CCNH: variants seen among roughly 807,000 people sequenced by gnomAD.
CCNH encodes the protein cyclin-H.
Under a neutral mutation model 41.9 loss-of-function variants are expected in CCNH, and 31 were observed. That is an observed-to-expected ratio of 0.74 (90% CI 0.56 to 1.00). CCNH has a LOEUF of 1.00. CCNH is among the 50% of genes least tolerant of loss of function. CCNH has a pLI of 0.00. For synonymous variants in CCNH, 138 were observed against 136.1 expected (o/e 1.01, Z -0.10); for missense variants, 362 against 388.4 (o/e 0.93, Z 0.57).
intron 9 of CCNH, among the ~76,000 whole-genome samples, chr5:87,357,938 G>A (rs1225822029): frequency 6.6e-6 from 1 of 152,168 alleles, no homozygotes; most frequent in Non-Finnish European, 1.5e-5. Context: ...AAACTATTAA[G>A]TGCTATTTGT....
At chr5:87,364,325 A>G (rs1392334243) in intron 9 of CCNH, among the ~76,000 whole-genome samples, 2 of 152,144 alleles carry the variant, frequency 1.3e-5, no homozygotes, top group Admixed American at 1.3e-4. Flanking sequence ...TGTGTTTAGG[A>G]GATCACATTA....
At chr5:87,325,277 T>A (rs553530735) in intron 9 of CCNH, among the ~76,000 whole-genome samples, 12 of 152,124 alleles carry the variant, frequency 7.9e-5, no homozygotes, top group Non-Finnish European at 1.8e-4. Context: ...TCCCACCGGG[T>A]CGGGTCCCAC....
intron 9 of CCNH, chr5:87,333,415 G>A (rs975084835): frequency 4.4e-6 from 7 of 1,575,734 alleles, no homozygotes; most frequent in African/African-American, 4.1e-5. Context: ...GGACTAGGAA[G>A]CTTTTGAAAT....
At chr5:87,379,859 T>C, upstream of CCNH, 1 of 1,610,970 alleles carries the variant, frequency 6.2e-7, no homozygotes, top group South Asian at 1.1e-5. Context: ...CCGTAAGTGG[T>C]GAAATTTTCA....
At chr5:87,343,753 A>G (rs966518691) in intron 9 of CCNH, among the ~76,000 whole-genome samples, 3 of 152,320 alleles carry the variant, frequency 2.0e-5, no homozygotes, top group East Asian at 3.9e-4. Context: ...CAGTGTATCA[A>G]AGAGACAGCT....
At chr5:87,394,154 TAA>T, downstream of CCNH, 1 of 758,446 alleles carries the variant, frequency 1.3e-6, no homozygotes, top group Non-Finnish European at 1.7e-6. Context: ...GTGCCTTTTT[TAA>T]AAAAAGCATA....
chr5:87,356,250 ATT>A (rs1357977535), intron 9 of CCNH, among the ~76,000 whole-genome samples: 1 of 152,158 alleles, frequency 6.6e-6, no homozygotes, highest in Admixed American at 6.6e-5. Context: ...AGCAGACTTC[ATT>A]TTTAAGAAAT....
At chr5:87,398,113 C>A (rs1267292902) in intron 7 of CCNH, among the ~76,000 whole-genome samples, 1 of 152,204 alleles carries the variant, frequency 6.6e-6, no homozygotes, top group Non-Finnish European at 1.5e-5. Context: ...CTGAAAAATT[C>A]CTGTTACCAC....
chr5:87,412,646 G>C (rs377170356), intron 1 of CCNH, 32 bp downstream of exon 1: 57 of 1,610,670 alleles, frequency 3.5e-5, no homozygotes, highest in Admixed American at 2.2e-4. Context: ...TTTAGTGACC[G>C]GGCAACTGGG....
chr5:87,373,666 T>C (rs2112483420), downstream of CCNH, among the ~76,000 whole-genome samples: 1 of 152,240 alleles, frequency 6.6e-6, no homozygotes, highest in East Asian at 1.9e-4. Context: ...AATAACTTAG[T>C]TTCTTTAGGT....
intron 9 of CCNH, among the ~76,000 whole-genome samples, chr5:87,344,259 A>G (rs1758684327): frequency 6.6e-6 from 1 of 152,196 alleles, no homozygotes; most frequent in South Asian, 2.1e-4. Context: ...TGACTTGATC[A>G]TTAAACATTA....
chr5:87,396,832 C>T (rs1217674589), intron 7 of CCNH, among the ~76,000 whole-genome samples: 1 of 151,782 alleles, frequency 6.6e-6, no homozygotes, highest in Non-Finnish European at 1.5e-5. Context: ...ATGAAAAATG[C>T]AAAGAAGAAA....
chr5:87,334,553 A>G (rs1757828018), intron 9 of CCNH, among the ~76,000 whole-genome samples: 1 of 152,232 alleles, frequency 6.6e-6, no homozygotes, highest in South Asian at 2.1e-4. Flanking sequence ...TTATTTTCAT[A>G]ACATACTAAG....
chr5:87,409,629 C>CGTGTGTGTGT (rs71610500), intron 2 of CCNH, among the ~76,000 whole-genome samples: 4,273 of 146,026 alleles, frequency 0.029, 61 homozygotes, highest in Non-Finnish European at 0.039. Context: ...TTTAAAAATA[C>CGTGTGTGTGT]GTGTGTGTGT....
chr5:87,357,263 A>C (rs527555304), intron 9 of CCNH, among the ~76,000 whole-genome samples: 1 of 152,104 alleles, frequency 6.6e-6, no homozygotes, highest in South Asian at 2.1e-4. Flanking sequence ...ATATATGTGT[A>C]TTTTTTAAAT....
chr5:87,332,737 C>A, intron 9 of CCNH: 1 of 1,244,320 alleles, frequency 8.0e-7, no homozygotes, highest in Non-Finnish European at 1.1e-6. Flanking sequence ...TATTATAATT[C>A]AAGAAGTATT....
At chr5:87,331,186 A>G (rs1757570557) in intron 9 of CCNH, 1 of 958,948 alleles carries the variant, frequency 1.0e-6, no homozygotes, top group Non-Finnish European at 1.6e-6. Flanking sequence ...TTTGAGACTG[A>G]GGTTAAATTG....
Position 87,337,902 on chromosome 5 carries a change from G to A in CCNH, c.*91-19005C>T, listed in dbSNP as rs1489885261. On this transcript the variant is annotated intron_variant and NMD_transcript_variant, in intron 9 of 9. Coordinates refer to the CCNH transcript ENST00000645953. ...TATAATACTATCCCTATCCTATTTT[G>A]TGGTATATGACTATTCTAATCTCTG... 5.6e-6 allele frequency: 8 copies of A among 1,426,438 alleles called. No individual in the cohort carries two copies. In the East Asian group the frequency reaches 1.5e-4, roughly 27 times the overall value. The allele number at this position is 1,426,438 out of a possible 1,614,324, so 88.4% of individuals were successfully genotyped here.
intron 1 of CCNH, among the ~76,000 whole-genome samples, chr5:87,411,736 T>TA (rs1237999857): frequency 3.9e-5 from 6 of 152,188 alleles, no homozygotes; most frequent in African/African-American, 1.4e-4. Flanking sequence ...TCACAAGTTG[T>TA]AAAAAAACAG....
Sources: allele counts gnomAD v4.1 joint callset (sites outside exome capture counted in the v4.1 genomes callset), GRCh38; gene constraint gnomAD v4.1.1; transcripts MANE v1.5; gene names NCBI Gene and HGNC (gene_info 2026-07-23, HGNC 2026-07-21).